Variants in DLG2 observed in about 807,000 individuals in gnomAD.
DLG2 encodes disks large homolog 2.
In DLG2, 45 loss-of-function variants were observed where a neutral mutation model predicts 132.5. The observed-to-expected ratio is 0.34, with a 90% CI of 0.27 to 0.44. The LOEUF (loss-of-function observed/expected upper bound fraction) is 0.44. Ranked by LOEUF, DLG2 falls within the 20% of genes least tolerant of loss-of-function variation. The probability of loss-of-function intolerance (pLI) is 1.00; values close to 1 mark genes in which losing one functional copy is unlikely to be tolerated. For missense variants in DLG2, 1,045 were observed against 1,196.9 expected (o/e 0.87, Z 1.87); for synonymous variants, 424 against 419.6 (o/e 1.01, Z -0.13).
At chr11:84,145,644 T>C (rs1258302846) in intron 9 of DLG2, among the ~76,000 whole-genome samples, 1 of 152,120 alleles carries the variant, frequency 6.6e-6, no homozygotes, top group African/African-American at 2.4e-5. Context: ...GAAGAAAATA[T>C]ATTGGTCAGT....
chr11:84,752,937 A>G (rs948196265), intron 6 of DLG2, among the ~76,000 whole-genome samples: 3 of 151,762 alleles, frequency 2.0e-5, no homozygotes, highest in African/African-American at 7.3e-5. Context: ...CATGGTGTAT[A>G]TGTGCCACAT....
intron 7 of DLG2, among the ~76,000 whole-genome samples, chr11:84,531,309 C>G (rs1211221748): frequency 6.6e-6 from 1 of 152,036 alleles, no homozygotes; most frequent in African/African-American, 2.4e-5. Context: ...GAACAACAGA[C>G]ACTGAGACCT....
chr11:84,510,671 G>T (rs1009497412), intron 7 of DLG2, among the ~76,000 whole-genome samples: 1 of 152,106 alleles, frequency 6.6e-6, no homozygotes, highest in South Asian at 2.1e-4. Context: ...ATGCTAATTG[G>T]TTGTGTTATT....
intron 5 of DLG2, among the ~76,000 whole-genome samples, chr11:85,135,014 G>A (rs554203454): frequency 1.3e-5 from 2 of 152,232 alleles, no homozygotes; most frequent in Non-Finnish European, 2.9e-5. Flanking sequence ...AGAAACACCA[G>A]TTTGTCTATT....
At chr11:84,874,115 C>A (rs1246095391) in intron 6 of DLG2, among the ~76,000 whole-genome samples, 1 of 152,136 alleles carries the variant, frequency 6.6e-6, no homozygotes, top group Non-Finnish European at 1.5e-5. Context: ...TCAACAACTT[C>A]ACCACCACTG....
At chr11:83,838,087 T>TTA (rs1433335824) in intron 16 of DLG2, among the ~76,000 whole-genome samples, 8 of 152,142 alleles carry the variant, frequency 5.3e-5, no homozygotes, top group African/African-American at 1.7e-4. Context: ...ACTCTGACAT[T>TTA]TGTCCCTGTG....
chr11:83,992,655 AATGTAC>A (rs2093788688), intron 11 of DLG2, among the ~76,000 whole-genome samples: 1 of 152,152 alleles, frequency 6.6e-6, no homozygotes, highest in Non-Finnish European at 1.5e-5. Context: ...TAGAACCATT[AATGTAC>A]ATTCAGCCCT....
intron 4 of DLG2, among the ~76,000 whole-genome samples, chr11:85,220,736 T>TA (rs2074583157): frequency 6.6e-6 from 1 of 151,418 alleles, no homozygotes; most frequent in South Asian, 2.1e-4. Context: ...CTGTCTGCCT[T>TA]ATAATCAGGA....
intron 3 of DLG2, among the ~76,000 whole-genome samples, chr11:85,292,210 C>A (rs184083473): frequency 1.3e-5 from 2 of 152,016 alleles, no homozygotes; most frequent in African/African-American, 4.8e-5. Context: ...CCATATGAGT[C>A]CAAAACTACT....
At chr11:85,011,037 G>T (rs901694509) in intron 6 of DLG2, among the ~76,000 whole-genome samples, 1 of 152,238 alleles carries the variant, frequency 6.6e-6, no homozygotes. Context: ...CCCATTTGAA[G>T]ACTGTTTATT....
At chr11:84,674,318 A>C (rs2153697183) in intron 6 of DLG2, among the ~76,000 whole-genome samples, 1 of 152,250 alleles carries the variant, frequency 6.6e-6, no homozygotes, top group Middle Eastern at 3.4e-3. Context: ...TATGTCACCA[A>C]GAGAAGACTT....
intron 16 of DLG2, among the ~76,000 whole-genome samples, chr11:83,859,644 A>G (rs1301204460): frequency 6.6e-6 from 1 of 152,350 alleles, no homozygotes; most frequent in South Asian, 2.1e-4. Flanking sequence ...AATGGGATAG[A>G]AAAGAAAATC....
At chr11:84,933,403 G>T (rs953131640) in intron 6 of DLG2, among the ~76,000 whole-genome samples, 1 of 152,140 alleles carries the variant, frequency 6.6e-6, no homozygotes, top group Non-Finnish European at 1.5e-5. Flanking sequence ...GTTCTGTGAA[G>T]AATCTAAATG....
chr11:83,769,783 T>C (rs2094307586), intron 18 of DLG2, among the ~76,000 whole-genome samples: 1 of 152,096 alleles, frequency 6.6e-6, no homozygotes, highest in Non-Finnish European at 1.5e-5. Flanking sequence ...CAGGCTGGTC[T>C]TGAACTCCTG....
At chr11:83,803,994 T>A (rs967237075) in intron 17 of DLG2, among the ~76,000 whole-genome samples, 2 of 152,168 alleles carry the variant, frequency 1.3e-5, no homozygotes, top group African/African-American at 4.8e-5. Context: ...CTTATGTGTA[T>A]CTTGGCATCT....
chr11:85,168,338 T>C (rs1203672512), intron 4 of DLG2, among the ~76,000 whole-genome samples: 3 of 152,138 alleles, frequency 2.0e-5, no homozygotes, highest in Non-Finnish European at 4.4e-5. Context: ...AAATGCTCAA[T>C]ATGCCAGTCC....
At chr11:85,431,697 C>T (rs879571399) in intron 3 of DLG2, among the ~76,000 whole-genome samples, 1 of 152,206 alleles carries the variant, frequency 6.6e-6, no homozygotes, top group Non-Finnish European at 1.5e-5. Flanking sequence ...GGGAGTGGTG[C>T]CACAGTCTCC....
At chr11:85,399,053 C>T (rs959937377) in intron 3 of DLG2, among the ~76,000 whole-genome samples, 2 of 152,146 alleles carry the variant, frequency 1.3e-5, no homozygotes, top group Non-Finnish European at 2.9e-5. Flanking sequence ...CCCAAAATCT[C>T]CTTAAGCTGA....
intron 3 of DLG2, among the ~76,000 whole-genome samples, chr11:85,300,189 C>CT (rs1447334759): frequency 2.0e-5 from 3 of 152,154 alleles, no homozygotes; most frequent in Non-Finnish European, 4.4e-5. Flanking sequence ...AATTTCCATA[C>CT]TTCACTTCCA....
Sources: gnomAD v4.1 joint callset for allele counts (sites outside exome capture counted in the v4.1 genomes callset) on GRCh38, gnomAD v4.1.1 for gene constraint, MANE v1.5 for transcripts, NCBI Gene and HGNC (gene_info 2026-07-23, HGNC 2026-07-21) for gene names.